RAB37: variants seen among roughly 807,000 people sequenced by gnomAD.
RAB37 encodes the protein ras-related protein Rab-37.
RAB37 carries 29 observed loss-of-function variants against 33.1 expected under a neutral mutation model. That is an observed-to-expected ratio of 0.88 (90% CI 0.65 to 1.20). The LOEUF (loss-of-function observed/expected upper bound fraction) is 1.20. Among genes scored for constraint, RAB37 ranks in the 50% most tolerant of loss-of-function variants. The pLI is 0.00. For missense variants in RAB37, 299 were observed against 301.1 expected, an observed-to-expected ratio of 0.99 and a Z score of 0.05; for synonymous variants, 128 against 119.5, an observed-to-expected ratio of 1.07 and a Z score of -0.47.
intron 1 of RAB37, among the ~76,000 whole-genome samples, chr17:74,740,435 T>G (rs2034584638): frequency 6.6e-6 from 1 of 152,104 alleles, no homozygotes; most frequent in African/African-American, 2.4e-5. Context: ...TATGGGCAAA[T>G]GTGGCCACTG....
chr17:74,704,298 C>T (rs2033325472), intron 1 of RAB37: 1 of 599,048 alleles, frequency 1.7e-6, no homozygotes, highest in South Asian at 2.1e-5. Flanking sequence ...GCCCTGGGAG[C>T]CATGGGGGCA....
At chr17:74,685,600 C>T (rs917851094) in intron 1 of RAB37, among the ~76,000 whole-genome samples, 2 of 152,128 alleles carry the variant, frequency 1.3e-5, no homozygotes, top group African/African-American at 4.8e-5. Context: ...TGTTCAAGGG[C>T]ACTCAGCAGG....
At chr17:74,696,564 A>G (rs1202852213) in intron 1 of RAB37, among the ~76,000 whole-genome samples, 1 of 152,112 alleles carries the variant, frequency 6.6e-6, no homozygotes, top group African/African-American at 2.4e-5. Context: ...GAATTCCACC[A>G]TGTCTCTCTA....
chr17:74,741,876 A>T (rs1216475788), intron 2 of RAB37, among the ~76,000 whole-genome samples: 1 of 152,184 alleles, frequency 6.6e-6, no homozygotes, highest in East Asian at 1.9e-4. Context: ...CAAACACCCC[A>T]TCTCCAGGGG....
chr17:74,721,218 G>T (rs1259794626), intron 1 of RAB37, among the ~76,000 whole-genome samples: 1 of 152,198 alleles, frequency 6.6e-6, no homozygotes, highest in African/African-American at 2.4e-5. Flanking sequence ...CAGGCTTGAG[G>T]GTGGAGCCAT....
Position 74,742,363 on chromosome 17 carries a change from C to T in RAB37, c.246+68C>T. 1 of 1,323,000 alleles carries T rather than the reference C, an allele frequency of 7.6e-7. No homozygotes were observed. The highest frequency in any genetic ancestry group is 1.2e-5 in the South Asian group (1 of 80,440). The allele number at this position is 1,323,000 out of a possible 1,614,324, so 82.0% of individuals were successfully genotyped here. ...TGCCCTTCCTTCTCACCCTGAACCA[C>T]AGGAGGCCTGCAGCCCTGCCCTCCG... is the stretch of plus-strand genomic sequence containing the variant. On this transcript the variant is annotated intron_variant, in intron 3 of 8. Transcript: ENST00000392613. The surrounding 1 kb of genome is among the most constrained non-coding windows in gnomAD (Gnocchi z 4.0).
At chr17:74,714,899 A>G (rs1411858845) in intron 1 of RAB37, among the ~76,000 whole-genome samples, 3 of 152,160 alleles carry the variant, frequency 2.0e-5, no homozygotes, top group Non-Finnish European at 2.9e-5. Context: ...AGGCAGGTGG[A>G]TCACCTGAGG....
intron 1 of RAB37, among the ~76,000 whole-genome samples, chr17:74,714,847 C>T (rs367606489): frequency 2.6e-5 from 4 of 152,264 alleles, no homozygotes; most frequent in African/African-American, 7.2e-5. Flanking sequence ...AAGGGCCAGA[C>T]TCAGTGGCTC....
At chr17:74,735,002 A>AGG (rs1227376183), upstream of RAB37, among the ~76,000 whole-genome samples, 973 of 84,322 alleles carry the variant, frequency 0.012, 17 homozygotes, top group East Asian at 0.024. Flanking sequence ...GAAGAAAGAA[A>AGG]AAGAAAGGAA....
In RAB37 at chr17:74,730,588, G is replaced by A. The variant is rs2144032996; in HGVS notation, c.183+1222G>A. Among the ~76,000 whole-genome samples the A allele has an allele frequency of 6.6e-6, 1 of 152,248 alleles. No individual in the cohort carries two copies. On this transcript the variant is annotated intron_variant, in intron 2 of 7. Transcript: ENST00000340415. The surrounding 1 kb of genome is among the most constrained non-coding windows in gnomAD (Gnocchi z 4.4). ...ATAGGGAAGGGCTGAGACCCAGGAG[G>A]CCAAGGCTACCTGGCAATCCCTGAG...
At chr17:74,725,975 A>G (rs113469410) in intron 1 of RAB37, among the ~76,000 whole-genome samples, 11,231 of 151,126 alleles carry the variant, frequency 0.074, 1,354 homozygotes, top group African/African-American at 0.25. Context: ...TGTGGCTTAC[A>G]CCTGTAATCC....
intron 1 of RAB37, chr17:74,695,830 G>T: frequency 6.2e-7 from 1 of 1,614,090 alleles, no homozygotes; most frequent in Non-Finnish European, 8.5e-7. Context: ...GGTCTGCATA[G>T]CAGAGGTCGC....
At chr17:74,686,241 G>A (rs867298445) in intron 1 of RAB37, among the ~76,000 whole-genome samples, 1 of 151,824 alleles carries the variant, frequency 6.6e-6, no homozygotes, top group African/African-American at 2.4e-5. Context: ...ACAGGCACAC[G>A]CCACCATGCC....
At chr17:74,725,541 A>T (rs761531110) in intron 1 of RAB37, among the ~76,000 whole-genome samples, 14 of 152,144 alleles carry the variant, frequency 9.2e-5, no homozygotes, top group Non-Finnish European at 1.9e-4. Context: ...GTTTAGGAAG[A>T]GATCATTCAA....
At position 74,729,233 on chromosome 17, in the gene RAB37, C is replaced by T; in HGVS notation, c.73-23C>T. ...CAACTCACATCACAGGCCCTCAGCTCTCTCTCTATTGTTCCCTTCCAGACC... is the reference window on the plus strand; with the variant it reads ...CAACTCACATCACAGGCCCTCAGCTTTCTCTCTATTGTTCCCTTCCAGACC... On this transcript the variant is annotated intron_variant, in intron 1 of 7. Transcript: ENST00000340415. This position sits in a 1 kb window ranked among gnomAD's most constrained non-coding sequence, Gnocchi z 4.2. 1 of 1,577,314 alleles carries T rather than the reference C, an allele frequency of 6.3e-7. No individual in the cohort carries two copies. Among genetic ancestry groups the T allele is most frequent in the Non-Finnish European group, 8.7e-7 (1 of 1,146,556 alleles).
chr17:74,681,238 G>C (rs1351960560), intron 1 of RAB37, among the ~76,000 whole-genome samples: 3 of 152,224 alleles, frequency 2.0e-5, no homozygotes, highest in African/African-American at 7.2e-5. Context: ...TGGGGACCAG[G>C]TCAAAAGCTT....
In RAB37 at chr17:74,742,062, G is replaced by A. The variant is rs1347095524; in HGVS notation, c.205-192G>A. On this transcript the variant is annotated intron_variant, in intron 2 of 8. Transcript: ENST00000392613. This position sits in a 1 kb window ranked among gnomAD's most constrained non-coding sequence, Gnocchi z 4.0. ...TGTGAGAAGGCAGTTACAGTCCTCA[G>A]AAGGGACGACTCCACAGTGGAGGTG... Among the ~76,000 whole-genome samples, 1 of 152,180 alleles carries A rather than the reference G, an allele frequency of 6.6e-6. No individual in the cohort carries two copies. The highest frequency in any genetic ancestry group is 1.5e-5 in the Non-Finnish European group (1 of 68,026).
intron 1 of RAB37, chr17:74,698,487 A>T: frequency 1.2e-6 from 2 of 1,611,636 alleles, no homozygotes; most frequent in African/African-American, 2.7e-5. Flanking sequence ...TGTGCCTAGA[A>T]ACAATGGCAA....
In RAB37 at chr17:74,729,390, G is replaced by C. The variant is rs761775834; in HGVS notation, c.183+24G>C. 4 of 1,562,326 alleles carry C rather than the reference G, an allele frequency of 2.6e-6. No homozygotes were observed. Among genetic ancestry groups the C allele is most frequent in the Non-Finnish European group, 3.5e-6 (4 of 1,132,736 alleles). ...CGGTAAGCACTGGCCGGCACTGCCA[G>C]CTCTGGGCCTGGGCTCAGGACCCCA... On this transcript the variant is annotated intron_variant, in intron 2 of 7. Coordinates refer to the RAB37 transcript ENST00000340415. This position sits in a 1 kb window ranked among gnomAD's most constrained non-coding sequence, Gnocchi z 4.2.
Sources: gnomAD v4.1 joint callset for allele counts (sites outside exome capture counted in the v4.1 genomes callset) on GRCh38, gnomAD v4.1.1 for gene constraint, Gnocchi (gnomAD v3.1) non-coding constraint, MANE v1.5 for transcripts, NCBI Gene and HGNC (gene_info 2026-07-23, HGNC 2026-07-21) for gene names.